Variants in TNC observed in about 807,000 individuals in gnomAD.
TNC encodes the protein tenascin.
A neutral mutation model predicts 202.4 loss-of-function variants in TNC; 109 were observed. The ratio of observed to expected loss-of-function variants is 0.54; its 90% CI spans 0.46 to 0.63. The LOEUF (loss-of-function observed/expected upper bound fraction) is 0.63. TNC is among the 30% of genes least tolerant of loss of function. TNC has a pLI of 0.00. For missense variants in TNC, 2,756 were observed against 2,833.3 expected, an observed-to-expected ratio of 0.97 and a Z score of 0.62; for synonymous variants, 1,007 against 1,089.7, an observed-to-expected ratio of 0.92 and a Z score of 1.50.
At chr9:115,114,748 T>C (rs544062297) in intron 1 of TNC, among the ~76,000 whole-genome samples, 1 of 152,274 alleles carries the variant, frequency 6.6e-6, no homozygotes, top group South Asian at 2.1e-4. Context: ...GGGTATTAGT[T>C]AGAAAGCTTG....
intron 15 of TNC, among the ~76,000 whole-genome samples, chr9:115,052,173 C>A (rs1831735698): frequency 6.6e-6 from 1 of 151,274 alleles, no homozygotes. Context: ...CGGATGAACC[C>A]AGAAGACATT....
chr9:115,042,488 G>T, intron 17 of TNC, 147 bp from the exon 18 acceptor site: 2 of 1,133,640 alleles, frequency 1.8e-6, no homozygotes, highest in Non-Finnish European at 2.5e-6. Context: ...GTGGTGATCT[G>T]TGGTTAAGTT....
At chr9:115,027,069 A>T (rs1441028453) in intron 25 of TNC, among the ~76,000 whole-genome samples, 2 of 151,138 alleles carry the variant, frequency 1.3e-5, no homozygotes, top group African/African-American at 4.9e-5. Context: ...AGATTGTGCC[A>T]CTGCATTCCA....
intron 6 of TNC, among the ~76,000 whole-genome samples, chr9:115,078,620 A>G (rs577309303): frequency 6.6e-6 from 1 of 152,258 alleles, no homozygotes; most frequent in Non-Finnish European, 1.5e-5. Flanking sequence ...TAATTAGGCA[A>G]AACTTCCTGG....
Position 115,084,220 on chromosome 9 carries a change from C to G in TNC, c.2120G>C (p.Arg707Thr), listed in dbSNP as rs146640511. 1.0e-4 allele frequency: 163 copies of G among 1,613,984 alleles called. No individual in the cohort carries two copies. In the East Asian group the frequency reaches 3.5e-3, roughly 34 times the overall value. ...TTCTGCTCACTCACACGTGGCCACCCTGGCGCTGACAGGAATGCTCTTCTT... is the reference window on the plus strand; with the variant it reads ...TTCTGCTCACTCACACGTGGCCACCGTGGCGCTGACAGGAATGCTCTTCTT... Reference protein sequence around the residue: ...ENKKSIPVSARVATYLPAPEG... With the variant: ...ENKKSIPVSATVATYLPAPEG... Residue 707 changes from arginine (R) to threonine (T), a missense_variant, in exon 4 of 28, where the codon AGG becomes ACG. Coordinates refer to ENST00000350763, the MANE Select transcript of TNC (RefSeq NM_002160.4).
At chr9:115,027,189 C>A (rs1041863742) in intron 25 of TNC, among the ~76,000 whole-genome samples, 1 of 151,768 alleles carries the variant, frequency 6.6e-6, no homozygotes, top group Non-Finnish European at 1.5e-5. Flanking sequence ...TGGAGTAATA[C>A]TAGGCTCAGG....
intron 15 of TNC, among the ~76,000 whole-genome samples, chr9:115,049,585 G>A (rs1352303807): frequency 6.6e-6 from 1 of 152,010 alleles, no homozygotes. Context: ...CAATCCTGAG[G>A]GATAAGGAGG....
At chr9:115,053,706 C>T (rs1024251793) in intron 15 of TNC, among the ~76,000 whole-genome samples, 7 of 152,150 alleles carry the variant, frequency 4.6e-5, no homozygotes, top group African/African-American at 1.7e-4. Flanking sequence ...AAATTAAAGG[C>T]TAATACCCAT....
intron 15 of TNC, chr9:115,052,727 T>G (rs1564442717): frequency 1.4e-6 from 1 of 698,038 alleles, no homozygotes; most frequent in African/African-American, 1.7e-5. Context: ...AGTGAGAACC[T>G]CTGATTGAGT....
chr9:115,073,134 G>C (rs1457206096), intron 10 of TNC, among the ~76,000 whole-genome samples: 2 of 151,948 alleles, frequency 1.3e-5, no homozygotes, highest in African/African-American at 4.8e-5. Context: ...TTGGCAGAAA[G>C]CAAAAGACCT....
chr9:115,107,651 C>T (rs1250023), intron 1 of TNC, among the ~76,000 whole-genome samples: 62,038 of 151,974 alleles, frequency 0.41, 12,965 homozygotes, highest in Admixed American at 0.51. Context: ...GAGGCAGAGC[C>T]AGCTTTTGAA....
chr9:115,043,044 C>T (rs1031232111), intron 17 of TNC, among the ~76,000 whole-genome samples: 4 of 152,148 alleles, frequency 2.6e-5, no homozygotes, highest in African/African-American at 4.8e-5. Flanking sequence ...AAAGCCATGC[C>T]CAGGGGGAGT....
intron 15 of TNC, among the ~76,000 whole-genome samples, chr9:115,056,417 T>A (rs1488845941): frequency 6.6e-6 from 1 of 152,232 alleles, no homozygotes; most frequent in Non-Finnish European, 1.5e-5. Context: ...GCAAAGAGCA[T>A]CTGACTTAGT....
Position 115,086,770 on chromosome 9 carries a change from C to A in TNC, c.961G>T (p.Asp321Tyr). Residue 321 changes from aspartate (D) to tyrosine (Y), a missense_variant, in exon 3 of 28, where the codon GAC (aspartate) becomes TAC (tyrosine). Asp to Tyr is a radical substitution (Grantham distance 160). This residue lies in a region of TNC where 2,559 missense variants were observed against 2,546.0 expected (regional missense o/e 1.01). Coordinates refer to ENST00000350763, the MANE Select transcript of TNC (RefSeq NM_002160.4). ...SELICPNDCF[D>Y]RGRCINGTCY... ...GTGCCATTGATGCAGCGGCCCCGGT[C>A]GAAGCAGTCATTGGGGCAGATGAGC... The A allele has an allele frequency of 6.2e-7, 1 of 1,613,754 alleles. No individual in the cohort carries two copies. Among genetic ancestry groups the A allele is most frequent in the East Asian group, 2.2e-5 (1 of 44,854 alleles).
intron 3 of TNC, 103 bp from the exon 4 acceptor site, chr9:115,084,575 A>G: frequency 7.2e-7 from 1 of 1,382,812 alleles, no homozygotes; most frequent in Non-Finnish European, 9.8e-7. Context: ...CAGAGGTCTG[A>G]AGATCTTCTG....
At chr9:115,092,721 A>G (rs1382895233) in intron 1 of TNC, among the ~76,000 whole-genome samples, 1 of 149,808 alleles carries the variant, frequency 6.7e-6, no homozygotes, top group Non-Finnish European at 1.5e-5. Context: ...TTTCAGGTGC[A>G]CACTGCCATG....
intron 9 of TNC, 48 bp downstream of exon 9, chr9:115,075,984 T>A: frequency 1.9e-6 from 3 of 1,550,402 alleles, no homozygotes; most frequent in Non-Finnish European, 2.7e-6. Flanking sequence ...CTCTGTCTCA[T>A]CTGCCCAGCA....
At chr9:115,078,362 G>A in intron 6 of TNC, 150 bp from the exon 7 acceptor site, 1 of 860,180 alleles carries the variant, frequency 1.2e-6, no homozygotes. Context: ...CTTAGTTTTT[G>A]GTTTGATAAG....
chr9:115,084,614 G>C lies in TNC; in HGVS notation c.1868-142C>G, dbSNP rs11792673. On this transcript the variant is annotated intron_variant, in intron 3 of 27. Coordinates refer to ENST00000350763, the MANE Select transcript of TNC (RefSeq NM_002160.4). ...CCTCTAAAATGCAGATGGCATCAGG[G>C]ACCCCCTGCTGTGATCCATCTTAAG... 5.9e-4 allele frequency: 602 copies of C among 1,012,550 alleles called. 2 individuals carry two copies. Among genetic ancestry groups the C allele is most frequent in the Non-Finnish European group, 8.0e-4 (561 of 704,384 alleles). The allele number at this position is 1,012,550 out of a possible 1,614,324, so 62.7% of individuals were successfully genotyped here.
Sources: allele counts gnomAD v4.1 joint callset (sites outside exome capture counted in the v4.1 genomes callset), GRCh38; gene constraint gnomAD v4.1.1; regional missense constraint gnomAD v4.1.1; transcripts MANE v1.5; gene names NCBI Gene and HGNC (gene_info 2026-07-23, HGNC 2026-07-21).